UGT1A3: variants seen among roughly 807,000 people sequenced by gnomAD.
UGT1A3 encodes the protein UDP-glucuronosyltransferase 1A3.
Under a neutral mutation model 41.0 loss-of-function variants are expected in UGT1A3, and 31 were observed. The ratio of observed to expected loss-of-function variants is 0.76; its 90% confidence interval spans 0.57 to 1.02. The LOEUF (loss-of-function observed/expected upper bound fraction) is 1.02, where lower values mean the gene tolerates loss of function less well. UGT1A3 is among the 50% of genes least tolerant of loss of function. The pLI, the probability that UGT1A3 is intolerant of heterozygous loss-of-function variation, is 0.00. For synonymous variants in UGT1A3, 262 were observed against 257.6 expected, an observed-to-expected ratio of 1.02 and a Z score of -0.17; for missense variants, 737 against 671.0, an observed-to-expected ratio of 1.10 and a Z score of -1.09.
chr2:233,760,116 A>G lies in UGT1A3; in HGVS notation c.868-6918A>G. 2.4e-6 allele frequency: 3 copies of G among 1,260,492 alleles called. No homozygotes were observed. In the South Asian group the frequency reaches 4.7e-5, roughly 20 times the overall value. The allele number at this position is 1,260,492 out of a possible 1,614,324, so 78.1% of individuals were successfully genotyped here. ...GTTGTTGCCTATTAAGAAACCTAATAAAGCTCCACCTTCTTTATCTCTGAA... is the reference window on the plus strand; with the variant it reads ...GTTGTTGCCTATTAAGAAACCTAATGAAGCTCCACCTTCTTTATCTCTGAA... On this transcript the variant is annotated intron_variant, in intron 1 of 4. Transcript: ENST00000482026.
intron 1 of UGT1A3, among the ~76,000 whole-genome samples, chr2:233,754,050 C>A (rs1695383266): frequency 6.6e-6 from 1 of 152,230 alleles, no homozygotes; most frequent in Non-Finnish European, 1.5e-5. Flanking sequence ...GCCAGGTTTA[C>A]CTGCTTTTAT....
intron 1 of UGT1A3, among the ~76,000 whole-genome samples, chr2:233,765,077 C>T (rs1698745230): frequency 6.6e-6 from 1 of 152,130 alleles, no homozygotes; most frequent in South Asian, 2.1e-4. Context: ...TCCTGTGTCT[C>T]ACATCTAGGG....
chr2:233,767,408 G>A (rs1042627267), intron 2 of UGT1A3, among the ~76,000 whole-genome samples: 3 of 152,112 alleles, frequency 2.0e-5, no homozygotes, highest in Non-Finnish European at 2.9e-5. Flanking sequence ...TTCTCTAAGA[G>A]ACTCAAAAGT....
chr2:233,766,405 C>T (rs545959555), intron 1 of UGT1A3, among the ~76,000 whole-genome samples: 1 of 152,316 alleles, frequency 6.6e-6, no homozygotes, highest in East Asian at 1.9e-4. Flanking sequence ...CGTCCCTCCG[C>T]TGATGTGCTC....
intron 1 of UGT1A3, among the ~76,000 whole-genome samples, chr2:233,752,171 G>A (rs1336232019): frequency 2.6e-5 from 4 of 152,222 alleles, no homozygotes; most frequent in Non-Finnish European, 2.9e-5. Context: ...AGTGTGTGAT[G>A]TAAGCTGAAT....
At chr2:233,758,953 C>T (rs1697026708) in intron 1 of UGT1A3, among the ~76,000 whole-genome samples, 1 of 152,184 alleles carries the variant, frequency 6.6e-6, no homozygotes. Flanking sequence ...ATCAGAATTT[C>T]CCCAAATGCC....
rs758873309 is a variant in UGT1A3 at position 233,767,044 on chromosome 2, C to G, written c.878C>G (p.Ala293Gly). The G allele has an allele frequency of 6.2e-7, 1 of 1,613,874 alleles. No homozygotes were observed. Among genetic ancestry groups the G allele is most frequent in the African/African-American group, 1.3e-5 (1 of 74,880 alleles). ...NRKPLSQEFE[A>G]YINASGEHGI... is the part of the protein sequence containing the mutation. ...TTCTTCTGGCTCTAGGAATTTGAAG[C>G]CTACATTAATGCTTCTGGAGAACAT... The change falls in exon 2 of 5, where the codon GCC becomes GGC. Residue 293 changes from alanine to glycine, a missense_variant. Ala to Gly is a moderately conservative substitution (Grantham distance 60). Coordinates refer to ENST00000482026, the MANE Select transcript of UGT1A3 (RefSeq NM_019093.4).
intron 2 of UGT1A3, 122 bp from the exon 3 acceptor site, chr2:233,767,727 T>A (rs28946890): frequency 6.4e-7 from 1 of 1,556,204 alleles, no homozygotes; most frequent in Non-Finnish European, 8.7e-7. Flanking sequence ...CAGTTACTGA[T>A]CCTCCCACTC....
rs773612653 is a variant in UGT1A3 at position 233,729,922 on chromosome 2, C to A, written c.796C>A (p.Pro266Thr). 11 of 1,614,018 alleles carry A rather than the reference C, an allele frequency of 6.8e-6. No individual in the cohort carries two copies. The South Asian group carries it at 9.9e-5, about 15-fold the overall frequency. ...CCGAGGGGACTTTGTGATGGACTAC[C>A]CCAGGCCAATCATGCCCAACATGGT... ...LFRGDFVMDY[P>T]RPIMPNMVFI... The change falls in exon 1 of 5, where the codon CCC (proline) becomes ACC (threonine). Residue 266 changes from proline (P) to threonine (T), a missense_variant. Physicochemically the swap from Pro to Thr is conservative, Grantham distance 38. Transcript: ENST00000482026.
intron 1 of UGT1A3, among the ~76,000 whole-genome samples, chr2:233,745,069 T>C (rs1371401376): frequency 2.0e-5 from 3 of 151,904 alleles, no homozygotes; most frequent in African/African-American, 7.3e-5. Flanking sequence ...ATTATTTGTA[T>C]TGTTTTTTCA....
chr2:233,739,854 G>A (rs1377915953), intron 1 of UGT1A3, among the ~76,000 whole-genome samples: 3 of 151,892 alleles, frequency 2.0e-5, no homozygotes, highest in Non-Finnish European at 4.4e-5. Context: ...ATGGGCCAGA[G>A]GGCAGAATGA....
intron 1 of UGT1A3, among the ~76,000 whole-genome samples, chr2:233,762,024 AT>A (rs967311965): frequency 2.6e-5 from 4 of 151,856 alleles, no homozygotes; most frequent in Non-Finnish European, 4.4e-5. Context: ...TTTGTATTTT[AT>A]TTTTTTTAAT....
intron 1 of UGT1A3, chr2:233,760,250 G>GT: frequency 6.2e-7 from 1 of 1,601,220 alleles, no homozygotes; most frequent in Non-Finnish European, 8.5e-7. Flanking sequence ...ATATATATAA[G>GT]TAGGAGAGGG....
Position 233,772,737 on chromosome 2 carries a change from G to A in UGT1A3, c.*178G>A. ...ATAAAAATAATAGACTCGCTAGTCA[G>A]TAAAGATATTTGAATATGTATCGTG... On this transcript the variant is annotated 3_prime_UTR_variant, in exon 5 of 5. Transcript: ENST00000482026. The A allele has an allele frequency of 7.0e-7, 1 of 1,436,900 alleles. No individual in the cohort carries two copies. Among genetic ancestry groups the A allele is most frequent in the Non-Finnish European group, 9.1e-7 (1 of 1,096,214 alleles). 89.0% of individuals were successfully genotyped at this position (1,436,900 alleles called of 1,614,324 possible). A position where few individuals can be genotyped will look rare whatever the true frequency, so the allele number is the denominator to read the frequency against.
Position 233,769,437 on chromosome 2 carries a change from G to T in UGT1A3, c.1307+998G>T. On this transcript the variant is annotated intron_variant, in intron 4 of 4. Transcript: ENST00000482026. The surrounding 1 kb of genome is among the most constrained non-coding windows in gnomAD (Gnocchi z 4.4). ...TTTGTGCATGTGGCTGTGCTCATGT[G>T]TGGGTGCACACGTGTGCATTCATAT... 1 of 1,560,038 alleles carries T rather than the reference G, an allele frequency of 6.4e-7. No homozygotes were observed. Among genetic ancestry groups the T allele is most frequent in the Non-Finnish European group, 8.8e-7 (1 of 1,136,330 alleles).
At chr2:233,732,952 T>C (rs1235178587) in intron 1 of UGT1A3, among the ~76,000 whole-genome samples, 1 of 152,176 alleles carries the variant, frequency 6.6e-6, no homozygotes, top group East Asian at 1.9e-4. Flanking sequence ...GCATGGAATG[T>C]TCTTCCATTT....
intron 1 of UGT1A3, among the ~76,000 whole-genome samples, chr2:233,733,037 G>T (rs562709334): frequency 5.5e-4 from 83 of 152,142 alleles, no homozygotes; most frequent in Non-Finnish European, 1.1e-3. Context: ...TCCCTTTTAA[G>T]TTGGATTCCT....
At chr2:233,757,306 AGGGG>A in intron 1 of UGT1A3, among the ~76,000 whole-genome samples, 1 of 7,688 alleles carries the variant, frequency 1.3e-4, no homozygotes. Flanking sequence ...GTTGGGGGAC[AGGGG>A]GGCTGGGGCC....
rs1273237448 is a variant in UGT1A3 at position 233,760,469 on chromosome 2, C to G, written c.868-6565C>G. The G allele has an allele frequency of 6.2e-6, 10 of 1,614,092 alleles. No homozygotes were observed. The highest frequency in any genetic ancestry group is 2.2e-5 in the South Asian group (2 of 91,086). On this transcript the variant is annotated intron_variant, in intron 1 of 4. Transcript: ENST00000482026. The stretch of plus-strand genomic sequence containing the variant: ...AGGGGACATGAAATAGTTGTCCTAG[C>G]ACCTGACGCCTCGTTGTACATCAGA...
Sources: allele counts gnomAD v4.1 joint callset (sites outside exome capture counted in the v4.1 genomes callset), GRCh38; gene constraint gnomAD v4.1.1; non-coding constraint Gnocchi (gnomAD v3.1); transcripts MANE v1.5; gene names NCBI Gene and HGNC (gene_info 2026-07-23, HGNC 2026-07-21).